USP43: variants seen among roughly 807,000 people sequenced by gnomAD.
The protein encoded by USP43 is ubiquitin specific peptidase 43.
USP43 carries 33 observed loss-of-function variants against 90.7 expected under a neutral mutation model. The observed-to-expected ratio is 0.36, with a 90% CI of 0.28 to 0.49. The LOEUF (loss-of-function observed/expected upper bound fraction) is 0.49, where lower values mean the gene tolerates loss of function less well. Ranked by LOEUF, USP43 falls within the 20% of genes least tolerant of loss-of-function variation. The pLI is 0.98. For synonymous variants in USP43, 598 were observed against 615.8 expected, an observed-to-expected ratio of 0.97 and a Z score of 0.43; for missense variants, 1,274 against 1,476.4, an observed-to-expected ratio of 0.86 and a Z score of 2.25.
At chr17:9,691,912 G>A (rs112007796) in intron 8 of USP43, among the ~76,000 whole-genome samples, 6,149 of 151,274 alleles carry the variant, frequency 0.041, 393 homozygotes, top group African/African-American at 0.14. Context: ...GTGTGGTGGC[G>A]GGCGCCCGTA....
chr17:9,705,379 T>C (rs73257756), intron 12 of USP43, among the ~76,000 whole-genome samples: 133 of 152,058 alleles, frequency 8.7e-4, no homozygotes, highest in African/African-American at 3.0e-3. Context: ...CTTTTATAAA[T>C]GTAAATGCAC....
At chr17:9,722,618 C>G (rs981254748) in intron 14 of USP43, among the ~76,000 whole-genome samples, 33 of 152,248 alleles carry the variant, frequency 2.2e-4, no homozygotes, top group African/African-American at 6.7e-4. Flanking sequence ...TTGCTACTTT[C>G]TCTATCCCAG....
At position 9,714,447 on chromosome 17, in the gene USP43, C is replaced by T. The variant is rs184374594; in HGVS notation, c.2335+2315C>T. On this transcript the variant is annotated intron_variant, in intron 14 of 14. Transcript: ENST00000285199. ...CTGTAATCCCAGCACTTTGGGAGGCCGAGGTGGGCAGATCATGGGGTCAGG... is the reference window on the plus strand; with the variant it reads ...CTGTAATCCCAGCACTTTGGGAGGCTGAGGTGGGCAGATCATGGGGTCAGG... 1.2e-3 allele frequency among the ~76,000 whole-genome samples: 178 copies of T among 151,912 alleles called. 1 individual carries two copies. In the East Asian group the frequency reaches 0.013, roughly 11 times the overall value.
intron 1 of USP43, among the ~76,000 whole-genome samples, chr17:9,655,446 T>G (rs1912175145): frequency 6.6e-6 from 1 of 152,262 alleles, no homozygotes. Flanking sequence ...GAAGGAAGAC[T>G]TCATTATCAT....
chr17:9,671,512 T>C (rs1913438120), intron 3 of USP43, among the ~76,000 whole-genome samples: 2 of 152,184 alleles, frequency 1.3e-5, no homozygotes, highest in African/African-American at 2.4e-5. Context: ...TGGCAGCAGT[T>C]AAAGGGCAGA....
Position 9,723,776 on chromosome 17 carries a change from G to A in USP43, c.2336-4178G>A, listed in dbSNP as rs1409136667. On this transcript the variant is annotated intron_variant, in intron 14 of 14. Coordinates refer to ENST00000285199, the MANE Select transcript of USP43 (RefSeq NM_153210.5). ...TTTTTGTATTTTTAGTAGAGACGGG[G>A]TTTTGTATTTTTAGTAGAGATGGGG... Among the ~76,000 whole-genome samples the A allele has an allele frequency of 2.6e-5, 4 of 151,312 alleles. No individual in the cohort carries two copies. In the East Asian group the frequency reaches 7.8e-4, roughly 30 times the overall value.
Position 9,666,634 on chromosome 17 carries a change from T to C in USP43, c.637-14T>C. 1 of 1,606,734 alleles carries C rather than the reference T, an allele frequency of 6.2e-7. No individual in the cohort carries two copies. Among genetic ancestry groups the C allele is most frequent in the Non-Finnish European group, 8.5e-7 (1 of 1,176,316 alleles). On this transcript the variant is annotated splice_polypyrimidine_tract_variant and intron_variant, in intron 2 of 14. Transcript: ENST00000285199. ...GTGTATCTAATCTGGCTTCCTTTCC[T>C]CATTTCTTTGCAGCTTCCGCCTGAA...
intron 2 of USP43, among the ~76,000 whole-genome samples, chr17:9,663,257 C>A (rs567299062): frequency 2.0e-5 from 3 of 151,040 alleles, no homozygotes; most frequent in African/African-American, 7.3e-5. Context: ...TCAGAGCAGT[C>A]GAGTAACTTG....
chr17:9,645,586 G>C lies in USP43; in HGVS notation c.-47G>C. 1 of 1,175,938 alleles carries C rather than the reference G, an allele frequency of 8.5e-7. No homozygotes were observed. The highest frequency in any genetic ancestry group is 1.6e-5 in the African/African-American group (1 of 62,212). The allele number at this position is 1,175,938 out of a possible 1,614,324, so 72.8% of individuals were successfully genotyped here. The stretch of plus-strand genomic sequence containing the variant: ...TGTAGGGCCTGCTGGCCGCTCGTCC[G>C]CCTCGCGCCCGGGGGCTCCGCGCCT... On this transcript the variant is annotated 5_prime_UTR_variant, in exon 1 of 15. Coordinates refer to ENST00000285199, the MANE Select transcript of USP43 (RefSeq NM_153210.5). The surrounding 1 kb of genome is among the most constrained non-coding windows in gnomAD (Gnocchi z 6.8).
Position 9,663,403 on chromosome 17 carries a change from T to G in USP43, c.637-3245T>G, listed in dbSNP as rs1912781941. 2.6e-5 allele frequency among the ~76,000 whole-genome samples: 4 copies of G among 151,920 alleles called. No individual in the cohort carries two copies. The South Asian group carries it at 8.3e-4, about 31-fold the overall frequency. ...AACTCTGCCTCCCAGGTTAAAGCGA[T>G]TCTCCTGTCTCAGCCTCCCAAGTAG... On this transcript the variant is annotated intron_variant, in intron 2 of 14. Coordinates refer to ENST00000285199, the MANE Select transcript of USP43 (RefSeq NM_153210.5).
chr17:9,654,716 C>G (rs1406651295), intron 1 of USP43, among the ~76,000 whole-genome samples: 1 of 148,930 alleles, frequency 6.7e-6, no homozygotes, highest in Non-Finnish European at 1.5e-5. Flanking sequence ...TTTGCTTTGT[C>G]TCATCCTAAA....
Position 9,701,748 on chromosome 17 carries a change from C to G in USP43, c.2011+48C>G, listed in dbSNP as rs939384079. The G allele has an allele frequency of 6.9e-7, 1 of 1,451,290 alleles. No homozygotes were observed. The allele number at this position is 1,451,290 out of a possible 1,614,324, so 89.9% of individuals were successfully genotyped here. On this transcript the variant is annotated intron_variant, in intron 12 of 14. Coordinates refer to ENST00000285199, the MANE Select transcript of USP43 (RefSeq NM_153210.5). This position sits in a 1 kb window ranked among gnomAD's most constrained non-coding sequence, Gnocchi z 7.2. ...GCAAATGCAGCTGTGGCCACAGCCT[C>G]GAGATGTCCCTGGAATGGGTGTTGC...
chr17:9,683,023 T>C, intron 7 of USP43, 65 bp downstream of exon 7: 1 of 1,554,068 alleles, frequency 6.4e-7, no homozygotes, highest in South Asian at 1.2e-5. Context: ...CTTGGGAGCC[T>C]GTCTAGAGTA....
At position 9,701,571 on chromosome 17, in the gene USP43, G is replaced by A. The variant is rs146934288; in HGVS notation, c.1882G>A (p.Ala628Thr). ...HVAQRSTSPE[A>T]GLGPWPSWKQ... Reference sequence around the variant, plus strand: ...GGCCCAGAGAAGCACCAGCCCTGAGGCAGGACTGGGCCCCTGGCCTTCCTG... The same window carrying A: ...GGCCCAGAGAAGCACCAGCCCTGAGACAGGACTGGGCCCCTGGCCTTCCTG... Residue 628 changes from alanine (A) to threonine (T), a missense_variant, in exon 12 of 15, where the codon GCA becomes ACA. Coordinates refer to ENST00000285199, the MANE Select transcript of USP43 (RefSeq NM_153210.5). This position sits in a 1 kb window ranked among gnomAD's most constrained non-coding sequence, Gnocchi z 7.2. 2.1e-4 allele frequency: 337 copies of A among 1,568,772 alleles called. No individual in the cohort carries two copies. The highest frequency in any genetic ancestry group is 2.8e-4 in the Non-Finnish European group (327 of 1,157,360).
intron 9 of USP43, among the ~76,000 whole-genome samples, chr17:9,696,333 C>T (rs1025342576): frequency 3.3e-5 from 5 of 152,146 alleles, no homozygotes; most frequent in Admixed American, 6.5e-5. Flanking sequence ...GGGGTTTCAC[C>T]GTGTTGCCCA....
At chr17:9,660,594 C>T (rs1472538177) in intron 2 of USP43, among the ~76,000 whole-genome samples, 1 of 152,124 alleles carries the variant, frequency 6.6e-6, no homozygotes, top group African/African-American at 2.4e-5. Flanking sequence ...CTTAAATTCC[C>T]CCACTGGATT....
chr17:9,729,559 A>G lies in USP43; in HGVS notation c.*569A>G, dbSNP rs956092311. 1 of 152,022 alleles carries G rather than the reference A, an allele frequency of 6.6e-6. No individual in the cohort carries two copies. Among genetic ancestry groups the G allele is most frequent in the East Asian group, 1.9e-4 (1 of 5,198 alleles). 9.4% of individuals were successfully genotyped at this position (152,022 alleles called of 1,614,324 possible). A position where few individuals can be genotyped will look rare whatever the true frequency, so the allele number is the denominator to read the frequency against. ...CTGAGAGTTCAGGTGAATATTTAATATATTAAAAATTGTATTAAAGTTTTT... is the reference window on the plus strand; with the variant it reads ...CTGAGAGTTCAGGTGAATATTTAATGTATTAAAAATTGTATTAAAGTTTTT... On this transcript the variant is annotated 3_prime_UTR_variant, in exon 15 of 15. Coordinates refer to ENST00000285199, the MANE Select transcript of USP43 (RefSeq NM_153210.5).
chr17:9,714,337 A>G (rs1235831143), intron 14 of USP43, among the ~76,000 whole-genome samples: 2 of 152,176 alleles, frequency 1.3e-5, no homozygotes, highest in African/African-American at 2.4e-5. Context: ...AGTCATCAGC[A>G]CATGGATGGA....
At chr17:9,711,459 G>T (rs148588317) in intron 13 of USP43, among the ~76,000 whole-genome samples, 1 of 152,172 alleles carries the variant, frequency 6.6e-6, no homozygotes, top group East Asian at 1.9e-4. Context: ...ACGGAGTTTC[G>T]CTCTTGTTGC....
Sources: allele counts gnomAD v4.1 joint callset (sites outside exome capture counted in the v4.1 genomes callset), GRCh38; gene constraint gnomAD v4.1.1; non-coding constraint Gnocchi (gnomAD v3.1); transcripts MANE v1.5; gene names NCBI Gene and HGNC (gene_info 2026-07-23, HGNC 2026-07-21).